SBF2: variants seen among roughly 807,000 people sequenced by gnomAD.
SBF2 encodes the protein myotubularin-related protein 13.
Under a neutral mutation model 225.2 loss-of-function variants are expected in SBF2, and 112 were observed. That is an observed-to-expected ratio of 0.50 (90% CI 0.43 to 0.58). The LOEUF (loss-of-function observed/expected upper bound fraction) is 0.58, where lower values mean the gene tolerates loss of function less well. Ranked by LOEUF, SBF2 falls within the 20% of genes least tolerant of loss-of-function variation. The probability of loss-of-function intolerance (pLI) is 0.00; values close to 1 mark genes in which losing one functional copy is unlikely to be tolerated. For missense variants in SBF2, 1,996 were observed against 2,206.2 expected (o/e 0.90, Z 1.91); for synonymous variants, 763 against 773.3 (o/e 0.99, Z 0.22).
chr11:9,984,377 A>C (rs768848835), intron 13 of SBF2, among the ~76,000 whole-genome samples: 1 of 152,142 alleles, frequency 6.6e-6, no homozygotes, highest in Non-Finnish European at 1.5e-5. Context: ...TCCAACAAAG[A>C]CAAAGAAAAA....
At chr11:10,081,043 C>G (rs1035857273) in intron 2 of SBF2, among the ~76,000 whole-genome samples, 1 of 152,064 alleles carries the variant, frequency 6.6e-6, no homozygotes, top group Non-Finnish European at 1.5e-5. Flanking sequence ...GACAGCACTA[C>G]GCAGAGTATC....
In SBF2 at chr11:10,031,145, C is replaced by A. The variant is rs1208884081; in HGVS notation, c.305G>T (p.Gly102Val). ...LQGTKKEEIEGEAKVSGLIQP... is the reference protein window; with the variant it reads ...LQGTKKEEIEVEAKVSGLIQP... ...AATTAAACCAGACACTTTTGCTTCA[C>A]CTTCAATCTCTTCCTTCTTTGTTCC... is the stretch of plus-strand genomic sequence containing the variant. Residue 102 changes from glycine to valine, a missense_variant, in exon 4 of 40, where the codon GGT becomes GTT. By Grantham distance (109) the Gly-to-Val change is moderately radical. Coordinates refer to ENST00000256190, the MANE Select transcript of SBF2 (RefSeq NM_030962.4). 10 of 1,613,396 alleles carry A rather than the reference C, an allele frequency of 6.2e-6. No homozygotes were observed. The highest frequency in any genetic ancestry group is 8.5e-6 in the Non-Finnish European group (10 of 1,179,668).
At chr11:10,032,942 T>A (rs961173960) in intron 3 of SBF2, among the ~76,000 whole-genome samples, 2 of 152,222 alleles carry the variant, frequency 1.3e-5, no homozygotes, top group Non-Finnish European at 2.9e-5. Flanking sequence ...TTAGAGCTCA[T>A]TTAGTTTCTA....
intron 5 of SBF2, among the ~76,000 whole-genome samples, chr11:10,029,534 C>T (rs1949175152): frequency 6.6e-6 from 1 of 152,120 alleles, no homozygotes; most frequent in African/African-American, 2.4e-5. Flanking sequence ...TCTAATTATG[C>T]TATGTGAAAG....
At chr11:10,204,541 A>G (rs1317868777) in intron 1 of SBF2, among the ~76,000 whole-genome samples, 1 of 81,426 alleles carries the variant, frequency 1.2e-5, no homozygotes, top group Non-Finnish European at 2.6e-5. Context: ...CAGGAGGCTG[A>G]GGCAGGAGAA....
At chr11:10,208,315 T>C (rs927714365) in intron 1 of SBF2, among the ~76,000 whole-genome samples, 13 of 152,136 alleles carry the variant, frequency 8.5e-5, no homozygotes, top group African/African-American at 3.1e-4. Context: ...ATAGATTATG[T>C]TGTTAGGAAA....
At chr11:10,174,645 C>T (rs998052500) in intron 2 of SBF2, among the ~76,000 whole-genome samples, 24 of 152,042 alleles carry the variant, frequency 1.6e-4, no homozygotes, top group Non-Finnish European at 2.5e-4. Context: ...CATTCAAATT[C>T]AGGAAATACA....
In SBF2 at chr11:9,789,194, C is replaced by G; in HGVS notation, c.4847G>C (p.Gly1616Ala). ...CACTGTTCTCCTCTGGCTCCGTGGC[C>G]CAGCTTCTCCAGCCAGGTCAGAGTC... ...SEDSDLAGEAGPRSQRRTVWP... is the reference protein window; with the variant it reads ...SEDSDLAGEAAPRSQRRTVWP... The change falls in exon 35 of 40, where the codon GGG (glycine) becomes GCG (alanine). Residue 1616 changes from glycine to alanine, a missense_variant. Coordinates refer to ENST00000256190, the MANE Select transcript of SBF2 (RefSeq NM_030962.4). 1 of 1,614,142 alleles carries G rather than the reference C, an allele frequency of 6.2e-7. No homozygotes were observed. Among genetic ancestry groups the G allele is most frequent in the South Asian group, 1.1e-5 (1 of 91,076 alleles).
intron 2 of SBF2, among the ~76,000 whole-genome samples, chr11:10,082,772 A>G (rs1274006502): frequency 6.6e-6 from 1 of 152,202 alleles, no homozygotes; most frequent in Admixed American, 6.5e-5. Flanking sequence ...ACCCACAGTC[A>G]ACATCATACT....
intron 13 of SBF2, among the ~76,000 whole-genome samples, chr11:9,975,126 T>C (rs1946627665): frequency 1.3e-5 from 2 of 152,098 alleles, no homozygotes; most frequent in Admixed American, 1.3e-4. Flanking sequence ...TACAGTTAAA[T>C]ATTGTATTAC....
intron 6 of SBF2, among the ~76,000 whole-genome samples, chr11:10,014,446 A>C (rs565410513): frequency 2.2e-5 from 3 of 137,834 alleles, no homozygotes; most frequent in Admixed American, 8.3e-5. Flanking sequence ...ATACTTATTC[A>C]TTTGCTAAAT....
intron 1 of SBF2, among the ~76,000 whole-genome samples, chr11:10,285,284 TG>T (rs1963677279): frequency 6.6e-6 from 1 of 150,766 alleles, no homozygotes; most frequent in South Asian, 2.1e-4. Flanking sequence ...CCTTCCTGCC[TG>T]GTCAACAGAG....
At chr11:10,169,760 T>C (rs1956113887) in intron 2 of SBF2, among the ~76,000 whole-genome samples, 1 of 152,216 alleles carries the variant, frequency 6.6e-6, no homozygotes, top group Non-Finnish European at 1.5e-5. Context: ...TTCCAAACTC[T>C]TCTCCATAGT....
chr11:10,011,960 A>G (rs1051194302), intron 6 of SBF2, among the ~76,000 whole-genome samples: 2 of 152,196 alleles, frequency 1.3e-5, no homozygotes, highest in Admixed American at 6.5e-5. Context: ...TATGCATCCA[A>G]TGGAGATGCT....
intron 24 of SBF2, chr11:9,843,759 C>T (rs192367437): frequency 1.5e-4 from 23 of 152,256 alleles, no homozygotes; most frequent in Admixed American, 1.2e-3. Flanking sequence ...CTGATATTTC[C>T]TAAATTAAAC....
At chr11:9,823,586 ACT>A (rs1167790010) in intron 28 of SBF2, among the ~76,000 whole-genome samples, 2 of 151,886 alleles carry the variant, frequency 1.3e-5, no homozygotes, top group African/African-American at 2.4e-5. Context: ...GAATGAAGAG[ACT>A]CTGTACTGTG....
At chr11:10,055,734 G>A (rs1188501931) in intron 2 of SBF2, among the ~76,000 whole-genome samples, 1 of 152,108 alleles carries the variant, frequency 6.6e-6, no homozygotes, top group Non-Finnish European at 1.5e-5. Flanking sequence ...TTATGCAAGG[G>A]CATACAGTGG....
chr11:9,922,273 A>G (rs1041323845), intron 16 of SBF2, among the ~76,000 whole-genome samples: 4 of 152,138 alleles, frequency 2.6e-5, no homozygotes. Context: ...GGAAAAAAAG[A>G]AAAAAGAAAA....
At chr11:9,919,008 C>G (rs984993621) in intron 16 of SBF2, among the ~76,000 whole-genome samples, 2 of 152,064 alleles carry the variant, frequency 1.3e-5, no homozygotes, top group Non-Finnish European at 2.9e-5. Flanking sequence ...TCCCAAAGTG[C>G]TGGGATTACA....
Sources: allele counts gnomAD v4.1 joint callset (sites outside exome capture counted in the v4.1 genomes callset), GRCh38; gene constraint gnomAD v4.1.1; transcripts MANE v1.5; gene names NCBI Gene and HGNC (gene_info 2026-07-23, HGNC 2026-07-21).